The following NAT10 variants were observed in gnomAD, a reference collection of about 807,000 sequenced individuals.
The protein encoded by NAT10 is RNA cytidine acetyltransferase.
NAT10 carries 109 observed loss-of-function variants against 132.2 expected under a neutral mutation model. The observed-to-expected ratio is 0.82, with a 90% CI of 0.71 to 0.97. The LOEUF is 0.97. Ranked by LOEUF, NAT10 falls within the 50% of genes least tolerant of loss-of-function variation. NAT10 has a pLI of 0.00. For synonymous variants in NAT10, 479 were observed against 478.0 expected, an observed-to-expected ratio of 1.00 and a Z score of -0.03; for missense variants, 1,184 against 1,263.4, an observed-to-expected ratio of 0.94 and a Z score of 0.95.
chr11:34,111,361 C>G (rs1389501474), intron 3 of NAT10, among the ~76,000 whole-genome samples: 2 of 152,206 alleles, frequency 1.3e-5, no homozygotes, highest in East Asian at 3.8e-4. Flanking sequence ...GGCCTTTGTT[C>G]TAGCTATTAA....
At chr11:34,121,760 T>A (rs1851897509) in intron 8 of NAT10, among the ~76,000 whole-genome samples, 1 of 145,832 alleles carries the variant, frequency 6.9e-6, no homozygotes, top group Non-Finnish European at 1.5e-5. Context: ...CTTGGGAGGC[T>A]GAGGCAGGAG....
At chr11:34,142,023 T>C in intron 26 of NAT10, 3 of 620,900 alleles carry the variant, frequency 4.8e-6, no homozygotes, top group Non-Finnish European at 8.5e-6. Context: ...ACTGATTGTG[T>C]GTGTGTGTTG....
chr11:34,114,061 G>A (rs934644779), intron 5 of NAT10, among the ~76,000 whole-genome samples: 1 of 152,138 alleles, frequency 6.6e-6, no homozygotes, highest in Non-Finnish European at 1.5e-5. Flanking sequence ...TTGTTTTCAG[G>A]CACTTGCAAA....
At chr11:34,124,084 G>T (rs999518488) in intron 10 of NAT10, among the ~76,000 whole-genome samples, 1 of 152,118 alleles carries the variant, frequency 6.6e-6, no homozygotes, top group Non-Finnish European at 1.5e-5. Flanking sequence ...CAGGAGAATC[G>T]CTTGAACCCG....
intron 28 of NAT10, among the ~76,000 whole-genome samples, chr11:34,143,891 T>G (rs958385257): frequency 3.3e-5 from 5 of 152,224 alleles, no homozygotes; most frequent in African/African-American, 9.7e-5. Context: ...TTTATTACTG[T>G]CATTGCTTTA....
chr11:34,145,409 G>C (rs966171943), intron 28 of NAT10, among the ~76,000 whole-genome samples: 3 of 152,092 alleles, frequency 2.0e-5, no homozygotes, highest in Non-Finnish European at 4.4e-5. Context: ...AATGGTCTCT[G>C]GACTGAACTC....
In NAT10 at chr11:34,146,260, C is replaced by T. The variant is rs1852439884; in HGVS notation, c.*68C>T. On this transcript the variant is annotated 3_prime_UTR_variant, in exon 29 of 29. Transcript: ENST00000257829. ...CTCTCACTAACTGAACCCTCTCTGG[C>T]TGGACTGTTAAAAGCAACGAGAGGC... 2 of 1,236,560 alleles carry T rather than the reference C, an allele frequency of 1.6e-6. No individual in the cohort carries two copies. Among genetic ancestry groups the T allele is most frequent in the African/African-American group, 1.5e-5 (1 of 65,474 alleles). The allele number at this position is 1,236,560 out of a possible 1,614,324, so 76.6% of individuals were successfully genotyped here.
At chr11:34,128,947 A>G (rs778364853) in intron 12 of NAT10, among the ~76,000 whole-genome samples, 37 of 152,212 alleles carry the variant, frequency 2.4e-4, no homozygotes, top group Non-Finnish European at 4.9e-4. Flanking sequence ...GTGGTCTTCC[A>G]TGACTGACTT....
In NAT10 at chr11:34,113,889, T is replaced by G. The variant is rs954652050; in HGVS notation, c.495+51T>G. 5 of 1,603,912 alleles carry G rather than the reference T, an allele frequency of 3.1e-6. No homozygotes were observed. In the Admixed American group the frequency reaches 5.0e-5, roughly 16 times the overall value. On this transcript the variant is annotated intron_variant, in intron 5 of 28. Coordinates refer to ENST00000257829, the MANE Select transcript of NAT10 (RefSeq NM_024662.3). ...TGTGAGGGTTCAAGTAAATCTGTTT[T>G]TGCTGTGTTCTGCTTTCTTTAAAGA...
chr11:34,142,112 C>G, intron 26 of NAT10, 163 bp from the exon 27 acceptor site: 1 of 679,420 alleles, frequency 1.5e-6, no homozygotes, highest in South Asian at 1.9e-5. Flanking sequence ...TATAACAGAG[C>G]TACCTTAAAA....
intron 3 of NAT10, among the ~76,000 whole-genome samples, chr11:34,110,022 T>G (rs1428893040): frequency 6.6e-6 from 1 of 152,170 alleles, no homozygotes; most frequent in Non-Finnish European, 1.5e-5. Flanking sequence ...TACCTACAAC[T>G]TTGTGTTTGG....
At chr11:34,125,601 G>A (rs1565112757) in intron 11 of NAT10, among the ~76,000 whole-genome samples, 1 of 152,198 alleles carries the variant, frequency 6.6e-6, no homozygotes, top group African/African-American at 2.4e-5. Context: ...TGAGATGCTT[G>A]TTTAGTTTTT....
intron 3 of NAT10, among the ~76,000 whole-genome samples, chr11:34,111,642 C>T (rs1851697338): frequency 6.6e-6 from 1 of 152,122 alleles, no homozygotes; most frequent in African/African-American, 2.4e-5. Flanking sequence ...AAGTAACGTG[C>T]CATCACCTTG....
At chr11:34,122,339 C>A in intron 8 of NAT10, 120 bp from the exon 9 acceptor site, 1 of 1,320,394 alleles carries the variant, frequency 7.6e-7, no homozygotes, top group Non-Finnish European at 1.1e-6. Flanking sequence ...TTCTGGCCTG[C>A]AAGAACTGCC....
chr11:34,126,387 A>G (rs1018395155), intron 11 of NAT10, among the ~76,000 whole-genome samples: 1 of 152,184 alleles, frequency 6.6e-6, no homozygotes, highest in African/African-American at 2.4e-5. Flanking sequence ...GTCCTCCTTC[A>G]GCTTTCCTTT....
intron 9 of NAT10, 121 bp from the exon 10 acceptor site, chr11:34,123,641 T>G (rs1036962477): frequency 7.3e-6 from 5 of 688,714 alleles, no homozygotes; most frequent in Non-Finnish European, 1.2e-5. Context: ...ACTTTTTCCC[T>G]TGCTGTTACC....
intron 1 of NAT10, chr11:34,106,151 A>G (rs189142652): frequency 3.3e-5 from 5 of 152,350 alleles, no homozygotes; most frequent in Admixed American, 2.6e-4. Flanking sequence ...ACTTAGGGTA[A>G]TCTGATTCCA....
chr11:34,132,273 G>A (rs1226162120), intron 15 of NAT10, 52 bp downstream of exon 15: 3 of 1,421,346 alleles, frequency 2.1e-6, no homozygotes, highest in Non-Finnish European at 2.0e-6. Context: ...TCAGCATTTG[G>A]CAGTCCCCTT....
chr11:34,131,403 C>A lies in NAT10; in HGVS notation c.1392C>A (p.Ser464=). Residue 464 remains serine, a synonymous_variant, in exon 14 of 29, where the codon TCC becomes TCA. Coordinates refer to ENST00000257829, the MANE Select transcript of NAT10 (RefSeq NM_024662.3). ...LASARTLYEV[S]LQESIRYAPG... is the part of the protein sequence containing the mutation. ...CAGCGCGGACACTGTATGAGGTTTCCCTCCAGGAGTCAATCCGATACGCCC... is the reference window on the plus strand; with the variant it reads ...CAGCGCGGACACTGTATGAGGTTTCACTCCAGGAGTCAATCCGATACGCCC... The A allele has an allele frequency of 6.2e-7, 1 of 1,613,864 alleles. No homozygotes were observed. Among genetic ancestry groups the A allele is most frequent in the Non-Finnish European group, 8.5e-7 (1 of 1,179,888 alleles).
Sources: gnomAD v4.1 joint callset for allele counts (sites outside exome capture counted in the v4.1 genomes callset) on GRCh38, gnomAD v4.1.1 for gene constraint, MANE v1.5 for transcripts, NCBI Gene and HGNC (gene_info 2026-07-23, HGNC 2026-07-21) for gene names.